Variants in HSDL2 observed in about 807,000 individuals in gnomAD.
HSDL2 encodes the protein hydroxysteroid dehydrogenase like 2, also known as hydroxysteroid dehydrogenase-like protein 2.
A neutral mutation model predicts 46.3 loss-of-function variants in HSDL2; 27 were observed. The ratio of observed to expected loss-of-function variants is 0.58; its 90% CI spans 0.43 to 0.80. The LOEUF is 0.80. Among genes scored for constraint, HSDL2 ranks in the 30% least tolerant of loss-of-function variants. The pLI is 0.00. For missense variants in HSDL2, 451 were observed against 502.7 expected (o/e 0.90, Z 0.98); for synonymous variants, 153 against 163.6 (o/e 0.94, Z 0.50).
At chr9:112,467,264 G>C (rs1833420601) in intron 10 of HSDL2, among the ~76,000 whole-genome samples, 1 of 152,150 alleles carries the variant, frequency 6.6e-6, no homozygotes. Context: ...ACTAATACAT[G>C]CTACACCATG....
intron 7 of HSDL2, among the ~76,000 whole-genome samples, chr9:112,440,395 C>A (rs1832615215): frequency 6.6e-6 from 1 of 151,318 alleles, no homozygotes; most frequent in Non-Finnish European, 1.5e-5. Context: ...AACAGCAAGA[C>A]CCCATGTCAA....
chr9:112,449,929 G>C (rs12336608), intron 8 of HSDL2, among the ~76,000 whole-genome samples: 145,496 of 152,240 alleles, frequency 0.96, 69,590 homozygotes, highest in African/African-American at 0.98. Context: ...TTTACTTTTG[G>C]TTTATTGTTT....
In HSDL2 at chr9:112,404,148, T is replaced by C. The variant is rs1454784538; in HGVS notation, c.171T>C (p.Ala57=). The change falls in exon 2 of 11, where the codon GCT becomes GCC. Residue 57 remains alanine, a synonymous_variant. Transcript: ENST00000398805. Reference sequence around the variant, plus strand: ...AACTTCTAGGCACAATCTATACTGCTGCTGAAGAAAGTGAGTGTGACAGTG... The same window carrying C: ...AACTTCTAGGCACAATCTATACTGCCGCTGAAGAAAGTGAGTGTGACAGTG... The part of the protein sequence containing the change: ...HPKLLGTIYT[A]AEEIEAVGGK... 1.2e-6 allele frequency: 2 copies of C among 1,613,730 alleles called. No homozygotes were observed. The highest frequency in any genetic ancestry group is 1.7e-6 in the Non-Finnish European group (2 of 1,179,894).
chr9:112,415,715 A>G (rs1175406399), intron 4 of HSDL2, among the ~76,000 whole-genome samples: 1 of 152,214 alleles, frequency 6.6e-6, no homozygotes, highest in Non-Finnish European at 1.5e-5. Flanking sequence ...TTGCCAGGCC[A>G]TTAAGCAGAA....
At chr9:112,394,234 G>A (rs1243172826) in intron 1 of HSDL2, among the ~76,000 whole-genome samples, 1 of 151,508 alleles carries the variant, frequency 6.6e-6, no homozygotes, top group African/African-American at 2.4e-5. Context: ...TCCGGACATG[G>A]CAATAGCCAA....
intron 6 of HSDL2, among the ~76,000 whole-genome samples, chr9:112,424,295 G>C (rs74747071): frequency 1.4e-4 from 21 of 149,296 alleles, no homozygotes; most frequent in Admixed American, 1.4e-3. Context: ...CACTCCAGCC[G>C]GGGCGACAGA....
At chr9:112,406,919 G>C (rs1360254830) in intron 3 of HSDL2, among the ~76,000 whole-genome samples, 1 of 152,160 alleles carries the variant, frequency 6.6e-6, no homozygotes, top group Non-Finnish European at 1.5e-5. Flanking sequence ...GGGCACCTAG[G>C]CATGTCCAAA....
chr9:112,386,444 A>T (rs1831218714), intron 1 of HSDL2, among the ~76,000 whole-genome samples: 1 of 152,134 alleles, frequency 6.6e-6, no homozygotes, highest in Admixed American at 6.5e-5. Context: ...TATTATAATT[A>T]ATAAAAGTTT....
At chr9:112,463,407 C>T (rs761970122) in intron 10 of HSDL2, among the ~76,000 whole-genome samples, 34 of 151,954 alleles carry the variant, frequency 2.2e-4, no homozygotes, top group Non-Finnish European at 4.9e-4. Context: ...TGTACCCAGC[C>T]AATATTTAAC....
intron 10 of HSDL2, among the ~76,000 whole-genome samples, chr9:112,464,268 G>A (rs1833311742): frequency 6.6e-6 from 1 of 150,830 alleles, no homozygotes; most frequent in East Asian, 2.0e-4. Flanking sequence ...AAGTAAAATT[G>A]AGTTGTCTTT....
At chr9:112,454,502 G>A (rs1452742154) in intron 9 of HSDL2, among the ~76,000 whole-genome samples, 1 of 151,758 alleles carries the variant, frequency 6.6e-6, no homozygotes, top group Non-Finnish European at 1.5e-5. Context: ...CACATGTAAA[G>A]TAAAATTTTA....
intron 4 of HSDL2, among the ~76,000 whole-genome samples, chr9:112,409,893 C>G (rs1712266660): frequency 6.6e-6 from 1 of 151,800 alleles, no homozygotes; most frequent in Non-Finnish European, 1.5e-5. Context: ...CAAGCATTTT[C>G]TCAAATATTT....
chr9:112,454,794 C>T (rs1175287471), intron 9 of HSDL2, among the ~76,000 whole-genome samples: 1 of 151,988 alleles, frequency 6.6e-6, no homozygotes, highest in Non-Finnish European at 1.5e-5. Context: ...CAACCTCTGC[C>T]TCCTGGGTTC....
intron 6 of HSDL2, among the ~76,000 whole-genome samples, chr9:112,425,505 C>G (rs754750501): frequency 2.0e-5 from 3 of 152,088 alleles, no homozygotes; most frequent in Non-Finnish European, 2.9e-5. Context: ...CCTAGATACT[C>G]CTCAAATGTG....
intron 8 of HSDL2, among the ~76,000 whole-genome samples, chr9:112,444,914 G>A (rs113628342): frequency 1.5e-5 from 2 of 133,852 alleles, no homozygotes; most frequent in African/African-American, 5.8e-5. Context: ...GTCTCACCCC[G>A]TTGCCCAAGC....
intron 1 of HSDL2, among the ~76,000 whole-genome samples, chr9:112,391,900 AAAAG>A (rs1831353254): frequency 9.9e-5 from 5 of 50,450 alleles, no homozygotes; most frequent in African/African-American, 3.2e-4. Context: ...AAAAAAAAAG[AAAAG>A]AAAAGAAAAA....
intron 1 of HSDL2, among the ~76,000 whole-genome samples, chr9:112,385,945 T>A (rs113707483): frequency 0.014 from 2,134 of 152,010 alleles, 75 homozygotes; most frequent in East Asian, 0.09. Flanking sequence ...AATTTAATTT[T>A]TTTTTTTTAA....
At chr9:112,447,488 C>T (rs1367593813) in intron 8 of HSDL2, among the ~76,000 whole-genome samples, 1 of 152,116 alleles carries the variant, frequency 6.6e-6, no homozygotes, top group Non-Finnish European at 1.5e-5. Context: ...AGTAGTTACC[C>T]ACAAGGAAGG....
intron 8 of HSDL2, among the ~76,000 whole-genome samples, chr9:112,451,046 C>T (rs1832875671): frequency 6.6e-6 from 1 of 151,878 alleles, no homozygotes; most frequent in African/African-American, 2.4e-5. Context: ...ATAAAAAATA[C>T]AAAAAATTAG....
Sources: allele counts gnomAD v4.1 joint callset (sites outside exome capture counted in the v4.1 genomes callset), GRCh38; gene constraint gnomAD v4.1.1; transcripts MANE v1.5; gene names NCBI Gene and HGNC (gene_info 2026-07-23, HGNC 2026-07-21).